Variants in DENND6A observed in about 807,000 individuals in gnomAD.
DENND6A encodes protein DENND6A.
A neutral mutation model predicts 95.5 loss-of-function variants in DENND6A; 43 were observed. The ratio of observed to expected loss-of-function variants is 0.45; its 90% CI spans 0.35 to 0.58. DENND6A has a LOEUF of 0.58. Ranked by LOEUF, DENND6A falls within the 20% of genes least tolerant of loss-of-function variation. The pLI is 0.00. For synonymous variants in DENND6A, 257 were observed against 260.4 expected (o/e 0.99, Z 0.13); for missense variants, 574 against 736.0 (o/e 0.78, Z 2.55).
At chr3:57,690,181 C>G (rs2077249049) in intron 1 of DENND6A, among the ~76,000 whole-genome samples, 1 of 150,250 alleles carries the variant, frequency 6.7e-6, no homozygotes, top group Non-Finnish European at 1.5e-5. Context: ...CCTGTCTCTA[C>G]TAAAAAAAAC....
intron 1 of DENND6A, among the ~76,000 whole-genome samples, chr3:57,690,970 T>C (rs2077259183): frequency 6.6e-6 from 1 of 152,218 alleles, no homozygotes. Context: ...ACTCCTGACC[T>C]AGAAAAAACT....
chr3:57,667,927 G>A (rs1319602317), intron 3 of DENND6A, among the ~76,000 whole-genome samples: 1 of 151,980 alleles, frequency 6.6e-6, no homozygotes, highest in Non-Finnish European at 1.5e-5. Context: ...TTAGCCGGAT[G>A]CGGTGGCAGG....
chr3:57,662,885 G>A (rs559636382), intron 5 of DENND6A, among the ~76,000 whole-genome samples: 59 of 152,068 alleles, frequency 3.9e-4, no homozygotes, highest in Admixed American at 1.6e-3. Context: ...TTGGGAAGTC[G>A]AGGTGGGTGG....
chr3:57,674,947 G>T (rs2071685216), intron 1 of DENND6A, among the ~76,000 whole-genome samples: 1 of 152,118 alleles, frequency 6.6e-6, no homozygotes, highest in African/African-American at 2.4e-5. Context: ...ACACAAAGAA[G>T]GAAACAACAG....
At position 57,645,769 on chromosome 3, in the gene DENND6A, A is replaced by G. The variant is rs768163012; in HGVS notation, c.942-13T>C. On this transcript the variant is annotated splice_polypyrimidine_tract_variant and intron_variant, in intron 10 of 19. Coordinates refer to ENST00000311128, the MANE Select transcript of DENND6A (RefSeq NM_152678.3). Reference sequence around the variant, plus strand: ...TGGAGAAATACAGCTGTGGAGCAGGAAGAACATGTAAAATAAAGGACACAG... The same window carrying G: ...TGGAGAAATACAGCTGTGGAGCAGGGAGAACATGTAAAATAAAGGACACAG... 1 of 1,589,750 alleles carries G rather than the reference A, an allele frequency of 6.3e-7. No individual in the cohort carries two copies. The highest frequency in any genetic ancestry group is 8.6e-7 in the Non-Finnish European group (1 of 1,160,590).
intron 1 of DENND6A, among the ~76,000 whole-genome samples, chr3:57,684,151 C>CAAAA (rs35147242): frequency 1.4e-4 from 11 of 79,062 alleles, no homozygotes; most frequent in East Asian, 7.7e-4. Flanking sequence ...GACTCCGTCT[C>CAAAA]AAAAAAAAAA....
At chr3:57,641,604 G>A in intron 12 of DENND6A, 49 bp downstream of exon 12, 1 of 1,475,654 alleles carries the variant, frequency 6.8e-7, no homozygotes, top group Non-Finnish European at 9.2e-7. Context: ...AAAGAAACCT[G>A]TTCAGCAACA....
chr3:57,632,052 A>C (rs1575812212), intron 15 of DENND6A, among the ~76,000 whole-genome samples: 16 of 97,376 alleles, frequency 1.6e-4, no homozygotes, highest in Admixed American at 2.8e-4. Context: ...ACGGAGTCTC[A>C]CTCTTTCGCC....
Position 57,628,321 on chromosome 3 carries a change from G to GT in DENND6A, c.1719dup (p.Pro574ThrfsTer5), listed in dbSNP as rs746213985. On this transcript the variant is annotated frameshift_variant, in exon 20 of 20. Coordinates refer to ENST00000311128, the MANE Select transcript of DENND6A (RefSeq NM_152678.3). LOFTEE classifies it high-confidence loss of function. ...TTTTCCATAGTGTCAGGTTTCACAG[G>GT]TAAGTGCTCTCGATCAGCCTGCAAC... 6.2e-7 allele frequency: 1 copy of GT among 1,614,060 alleles called. No individual in the cohort carries two copies. The highest frequency in any genetic ancestry group is 8.5e-7 in the Non-Finnish European group (1 of 1,179,980).
At chr3:57,656,956 T>C (rs951974242) in intron 9 of DENND6A, among the ~76,000 whole-genome samples, 1 of 152,128 alleles carries the variant, frequency 6.6e-6, no homozygotes, top group Non-Finnish European at 1.5e-5. Context: ...AGACTCTGTC[T>C]CAAAAATAAA....
At chr3:57,677,009 A>G (rs1056022342) in intron 1 of DENND6A, among the ~76,000 whole-genome samples, 2 of 152,046 alleles carry the variant, frequency 1.3e-5, no homozygotes, top group African/African-American at 4.8e-5. Context: ...TTTTTAGTAG[A>G]GACAGGGTTT....
chr3:57,663,500 A>G, intron 5 of DENND6A, 136 bp downstream of exon 5: 1 of 283,106 alleles, frequency 3.5e-6, no homozygotes. Flanking sequence ...ATATATATAC[A>G]CACACACACA....
intron 9 of DENND6A, among the ~76,000 whole-genome samples, chr3:57,657,316 C>T (rs192989408): frequency 3.3e-4 from 50 of 152,258 alleles, no homozygotes; most frequent in African/African-American, 1.1e-3. Flanking sequence ...CCATTTTTCA[C>T]GTCATCTATT....
At chr3:57,671,668 CAA>C (rs2071620518) in intron 3 of DENND6A, among the ~76,000 whole-genome samples, 1 of 152,188 alleles carries the variant, frequency 6.6e-6, no homozygotes, top group East Asian at 1.9e-4. Flanking sequence ...AAGTGAAACA[CAA>C]GAGGTAACCT....
intron 3 of DENND6A, among the ~76,000 whole-genome samples, chr3:57,670,319 G>T (rs1210010735): frequency 6.6e-6 from 1 of 152,180 alleles, no homozygotes; most frequent in African/African-American, 2.4e-5. Context: ...ACCCAAAGAG[G>T]TGGTTAAACT....
At chr3:57,635,102 T>TTAGTAGTATTAGATAGTAGTA (rs2070763423) in intron 12 of DENND6A, among the ~76,000 whole-genome samples, 2 of 152,136 alleles carry the variant, frequency 1.3e-5, no homozygotes, top group African/African-American at 4.8e-5. Context: ...AAACTGAAAA[T>TTAGTAGTATTAGATAGTAGTA]TTAGATGCTG....
At chr3:57,630,334 A>T (rs2070638486) in intron 18 of DENND6A, 87 bp downstream of exon 18, 2 of 1,220,026 alleles carry the variant, frequency 1.6e-6, no homozygotes, top group Non-Finnish European at 2.2e-6. Flanking sequence ...TAAAGAGTGG[A>T]TAAAGGGTAC....
intron 1 of DENND6A, among the ~76,000 whole-genome samples, chr3:57,692,365 C>T (rs1315997385): frequency 6.6e-6 from 1 of 152,062 alleles, no homozygotes; most frequent in Non-Finnish European, 1.5e-5. Context: ...ACAATCTGAG[C>T]CTTAAAACTT....
intron 5 of DENND6A, among the ~76,000 whole-genome samples, chr3:57,663,334 G>A (rs902822078): frequency 1.3e-5 from 2 of 149,458 alleles, no homozygotes; most frequent in Non-Finnish European, 3.0e-5. Flanking sequence ...GGCGTCGGGC[G>A]GGCACCTGTA....
Sources: allele counts gnomAD v4.1 joint callset (sites outside exome capture counted in the v4.1 genomes callset), GRCh38; gene constraint gnomAD v4.1.1; transcripts MANE v1.5; gene names NCBI Gene and HGNC (gene_info 2026-07-23, HGNC 2026-07-21).